The following KCNIP4 variants were observed in gnomAD, a reference collection of about 807,000 sequenced individuals.
The protein encoded by KCNIP4 is potassium voltage-gated channel interacting protein 4, also known as Kv channel-interacting protein 4.
KCNIP4 carries 12 observed loss-of-function variants against 34.0 expected under a neutral mutation model. The observed-to-expected ratio is 0.35, with a 90% CI of 0.23 to 0.57. The LOEUF (loss-of-function observed/expected upper bound fraction) is 0.57. KCNIP4 is among the 20% of genes least tolerant of loss of function. The pLI is 0.83. For synonymous variants in KCNIP4, 124 were observed against 102.2 expected, an observed-to-expected ratio of 1.21 and a Z score of -1.29; for missense variants, 238 against 311.7, an observed-to-expected ratio of 0.76 and a Z score of 1.78.
rs1553923853 is a variant in KCNIP4, at chr4:21,714,785, G to GATATTTTATTTATTTTATTTT, written c.61+233785_61+233786insAAAATAAAATAAATAAAATAT. On this transcript the variant is annotated intron_variant, in intron 1 of 8. Transcript: ENST00000382152. ...AAGAATGTGTTAGTAATTTCCCTTT[G>GATATTTTATTTATTTTATTTT]ATTATTTTATTTTATTTTATTTTAT... Among the ~76,000 whole-genome samples, 2 of 43,388 alleles carry GATATTTTATTTATTTTATTTT rather than the reference G, an allele frequency of 4.6e-5. 1 individual carries two copies. The highest frequency in any genetic ancestry group is 7.1e-5 in the Non-Finnish European group (2 of 28,002). 28.5% of individuals were successfully genotyped at this position (43,388 alleles called of 152,430 possible). A position where few individuals can be genotyped will look rare whatever the true frequency, so the allele number is the denominator to read the frequency against.
intron 1 of KCNIP4, among the ~76,000 whole-genome samples, chr4:20,990,493 AG>A (rs1424459641): frequency 6.6e-6 from 1 of 152,188 alleles, no homozygotes; most frequent in African/African-American, 2.4e-5. Flanking sequence ...TAGAAAGCTG[AG>A]GGAAAAAACT....
At chr4:21,820,283 GTGTATATATATATATATATATATATATA>G (rs1381072080) in intron 1 of KCNIP4, among the ~76,000 whole-genome samples, 2 of 127,504 alleles carry the variant, frequency 1.6e-5, no homozygotes. Flanking sequence ...ATGTGTGTGT[GTGTATATATATATATATATATATATATA>G]TATATATATA....
At chr4:21,634,426 C>T (rs573663435) in intron 1 of KCNIP4, among the ~76,000 whole-genome samples, 28 of 151,748 alleles carry the variant, frequency 1.8e-4, no homozygotes, top group African/African-American at 3.1e-4. Context: ...AATAAACATA[C>T]GCTAGAAACA....
chr4:20,807,880 C>T (rs114212066), intron 3 of KCNIP4, among the ~76,000 whole-genome samples: 14 of 152,082 alleles, frequency 9.2e-5, no homozygotes, highest in Admixed American at 4.6e-4. Flanking sequence ...TGGAAGATAA[C>T]GATGTCTTCA....
chr4:21,611,905 G>A (rs2109148528), intron 1 of KCNIP4, among the ~76,000 whole-genome samples: 1 of 152,240 alleles, frequency 6.6e-6, no homozygotes, highest in East Asian at 1.9e-4. Context: ...ATAAAGATCA[G>A]GATCACTGTT....
At chr4:21,834,645 G>A (rs1229362392) in intron 1 of KCNIP4, among the ~76,000 whole-genome samples, 1 of 152,128 alleles carries the variant, frequency 6.6e-6, no homozygotes, top group Non-Finnish European at 1.5e-5. Flanking sequence ...TAGGACTGGT[G>A]AGAGAGGGCA....
chr4:21,678,576 C>T (rs534788676), intron 1 of KCNIP4, among the ~76,000 whole-genome samples: 16 of 152,306 alleles, frequency 1.1e-4, no homozygotes, highest in African/African-American at 2.9e-4. Context: ...TCTCCATTTA[C>T]TCCCTGGTTT....
chr4:21,918,436 C>T (rs952865919), intron 1 of KCNIP4, among the ~76,000 whole-genome samples: 3 of 152,114 alleles, frequency 2.0e-5, no homozygotes, highest in African/African-American at 7.2e-5. Context: ...GTTCCACAGG[C>T]AAAGACACGA....
At chr4:20,899,666 T>TTTTGTTACA (rs1351247185) in intron 1 of KCNIP4, among the ~76,000 whole-genome samples, 3 of 152,142 alleles carry the variant, frequency 2.0e-5, no homozygotes, top group Non-Finnish European at 4.4e-5. Context: ...ATACACAAGT[T>TTTTGTTACA]TTTGTTACAT....
chr4:21,094,142 T>G (rs1328103079), intron 1 of KCNIP4, among the ~76,000 whole-genome samples: 1 of 152,086 alleles, frequency 6.6e-6, no homozygotes, highest in East Asian at 1.9e-4. Flanking sequence ...TATAAAACAT[T>G]GTAAAAGAAA....
In KCNIP4 at chr4:21,742,504, C is replaced by T. The variant is rs374197339; in HGVS notation, c.61+206067G>A. Reference sequence around the variant, plus strand: ...AGTAGAAAGCTGGCATTTTACTTCACGTTCCTCAGTCTTTTATGAGTTTTC... The same window carrying T: ...AGTAGAAAGCTGGCATTTTACTTCATGTTCCTCAGTCTTTTATGAGTTTTC... On this transcript the variant is annotated intron_variant, in intron 1 of 8. Coordinates refer to ENST00000382152, the MANE Select transcript of KCNIP4 (RefSeq NM_025221.6). Among the ~76,000 whole-genome samples the T allele has an allele frequency of 6.4e-4, 98 of 152,270 alleles. 1 individual carries two copies. In the South Asian group the frequency reaches 0.02, roughly 30 times the overall value.
At chr4:21,108,231 G>A (rs1261159446) in intron 1 of KCNIP4, among the ~76,000 whole-genome samples, 1 of 149,064 alleles carries the variant, frequency 6.7e-6, no homozygotes. Flanking sequence ...GTCACTTTCA[G>A]GTACACCAAT....
intron 1 of KCNIP4, among the ~76,000 whole-genome samples, chr4:21,289,396 C>T (rs1190980508): frequency 1.3e-5 from 2 of 152,004 alleles, no homozygotes; most frequent in African/African-American, 4.8e-5. Context: ...TTATTTATTC[C>T]ATCTAACCAT....
intron 3 of KCNIP4, among the ~76,000 whole-genome samples, chr4:20,818,199 G>T (rs1716651962): frequency 6.6e-6 from 1 of 152,164 alleles, no homozygotes; most frequent in Non-Finnish European, 1.5e-5. Flanking sequence ...TCAAAATGAT[G>T]TCTCCAATAC....
At chr4:21,830,223 C>T (rs187164103) in intron 1 of KCNIP4, among the ~76,000 whole-genome samples, 12 of 151,930 alleles carry the variant, frequency 7.9e-5, no homozygotes, top group African/African-American at 2.2e-4. Flanking sequence ...GACTTTAAGT[C>T]GAAAACTGTA....
At chr4:20,905,805 C>T (rs78862577) in intron 1 of KCNIP4, among the ~76,000 whole-genome samples, 3,646 of 151,912 alleles carry the variant, frequency 0.024, 130 homozygotes, top group African/African-American at 0.076. Context: ...TAGCTGTGAG[C>T]CACCATCCCT....
chr4:21,289,184 G>A (rs896091508), intron 1 of KCNIP4, among the ~76,000 whole-genome samples: 1 of 151,942 alleles, frequency 6.6e-6, no homozygotes, highest in Non-Finnish European at 1.5e-5. Flanking sequence ...ATACATAATG[G>A]GTGTATATAT....
chr4:21,766,320 C>T (rs1403112069), intron 1 of KCNIP4, among the ~76,000 whole-genome samples: 1 of 152,070 alleles, frequency 6.6e-6, no homozygotes, highest in Non-Finnish European at 1.5e-5. Context: ...AGACAGTTTC[C>T]CTTACCCACT....
intron 1 of KCNIP4, among the ~76,000 whole-genome samples, chr4:21,677,550 T>C (rs1750005725): frequency 6.6e-6 from 1 of 152,136 alleles, no homozygotes; most frequent in Non-Finnish European, 1.5e-5. Flanking sequence ...TCCTAAAGCA[T>C]TGCTGCAATG....
Sources: allele counts gnomAD v4.1 joint callset (sites outside exome capture counted in the v4.1 genomes callset), GRCh38; gene constraint gnomAD v4.1.1; transcripts MANE v1.5; gene names NCBI Gene and HGNC (gene_info 2026-07-23, HGNC 2026-07-21).